The following NDRG4 variants were observed in gnomAD, a reference collection of about 807,000 sequenced individuals.
NDRG4 encodes NDRG family member 4.
Under a neutral mutation model 55.8 loss-of-function variants are expected in NDRG4, and 38 were observed. The observed-to-expected ratio is 0.68, with a 90% confidence interval of 0.53 to 0.89. The LOEUF (loss-of-function observed/expected upper bound fraction) is 0.89. Ranked by LOEUF, NDRG4 falls within the 40% of genes least tolerant of loss-of-function variation. The pLI, the probability that NDRG4 is intolerant of heterozygous loss-of-function variation, is 0.00. For missense variants in NDRG4, 455 were observed against 468.6 expected (o/e 0.97, Z 0.27); for synonymous variants, 190 against 182.7 (o/e 1.04, Z -0.32).
At chr16:58,508,849 C>T in intron 10 of NDRG4, 113 bp from the exon 11 acceptor site, 2 of 1,160,688 alleles carry the variant, frequency 1.7e-6, no homozygotes, top group East Asian at 2.5e-5. Context: ...GCTGGGCCTC[C>T]CTCTGCCTCC....
At chr16:58,505,146 A>C (rs28529020) in intron 5 of NDRG4, among the ~76,000 whole-genome samples, 7 of 152,174 alleles carry the variant, frequency 4.6e-5, no homozygotes, top group African/African-American at 1.2e-4. Context: ...TCAGGAGATC[A>C]AGACCATCCT....
Position 58,464,932 on chromosome 16 carries a change from G to C in NDRG4, c.-24+1135G>C. ...GAGGCGACGCCAAGTGGCCTGGGAAGTGGGAAGCCAGATTGGACCCTACTG... is the reference window on the plus strand; with the variant it reads ...GAGGCGACGCCAAGTGGCCTGGGAACTGGGAAGCCAGATTGGACCCTACTG... On this transcript the variant is annotated intron_variant, in intron 1 of 15. Coordinates refer to the NDRG4 transcript ENST00000258187. The surrounding 1 kb of genome is among the most constrained non-coding windows in gnomAD (Gnocchi z 4.8). The C allele has an allele frequency of 8.5e-7, 1 of 1,176,852 alleles. No homozygotes were observed. The highest frequency in any genetic ancestry group is 1.1e-6 in the Non-Finnish European group (1 of 935,720). The allele number at this position is 1,176,852 out of a possible 1,614,324, so 72.9% of individuals were successfully genotyped here.
chr16:58,464,719 G>A lies in NDRG4; in HGVS notation c.-24+922G>A, dbSNP rs1386412862. 2 of 1,259,972 alleles carry A rather than the reference G, an allele frequency of 1.6e-6. No homozygotes were observed. The highest frequency in any genetic ancestry group is 2.0e-6 in the Non-Finnish European group (2 of 998,518). The allele number at this position is 1,259,972 out of a possible 1,614,324, so 78.0% of individuals were successfully genotyped here. A position where few individuals can be genotyped will look rare whatever the true frequency, so the allele number is the denominator to read the frequency against. On this transcript the variant is annotated intron_variant, in intron 1 of 15. Coordinates refer to the NDRG4 transcript ENST00000258187. This position sits in a 1 kb window ranked among gnomAD's most constrained non-coding sequence, Gnocchi z 4.8. Reference sequence around the variant, plus strand: ...CAGGGGGTGGCCCCATGGGGTCTCTGACCAGCGGAGCTCGGATTAGGACCC... The same window carrying A: ...CAGGGGGTGGCCCCATGGGGTCTCTAACCAGCGGAGCTCGGATTAGGACCC...
rs148334554 is a variant in NDRG4 at position 58,489,156 on chromosome 16, C to T, written c.72+1306C>T. On this transcript the variant is annotated intron_variant, in intron 2 of 15. Coordinates refer to the NDRG4 transcript ENST00000258187. Reference sequence around the variant, plus strand: ...TCTACTAAAAATACAAAAATTAGCCCGGGCGTGGTAGTGGGCGCCTGTAAT... The same window carrying T: ...TCTACTAAAAATACAAAAATTAGCCTGGGCGTGGTAGTGGGCGCCTGTAAT... Among the ~76,000 whole-genome samples the T allele has an allele frequency of 6.2e-3, 944 of 152,084 alleles. 10 individuals are homozygous for T. The highest frequency in any genetic ancestry group is 0.022 in the African/African-American group (905 of 41,458).
chr16:58,480,013 G>A (rs1211783526), intron 1 of NDRG4, among the ~76,000 whole-genome samples: 2 of 152,168 alleles, frequency 1.3e-5, no homozygotes, highest in Middle Eastern at 3.2e-3. Context: ...GGCAAACCTG[G>A]TGGGGAGACT....
At chr16:58,498,171 G>A (rs2036618205), upstream of NDRG4, among the ~76,000 whole-genome samples, 2 of 152,232 alleles carry the variant, frequency 1.3e-5, no homozygotes, top group African/African-American at 2.4e-5. Flanking sequence ...GTGGGGCCTT[G>A]GGGGACATGG....
At chr16:58,466,525 A>G (rs1597018656) in intron 1 of NDRG4, among the ~76,000 whole-genome samples, 1 of 152,186 alleles carries the variant, frequency 6.6e-6, no homozygotes, top group East Asian at 1.9e-4. Flanking sequence ...CCCCCACCAG[A>G]TGGGGTCACC....
At chr16:58,478,630 A>G (rs1181896082) in intron 1 of NDRG4, among the ~76,000 whole-genome samples, 1 of 151,526 alleles carries the variant, frequency 6.6e-6, no homozygotes, top group Non-Finnish European at 1.5e-5. Context: ...GTAGCATGAT[A>G]ACATTGGGGG....
chr16:58,505,932 G>C, intron 5 of NDRG4: 2 of 276,846 alleles, frequency 7.2e-6, no homozygotes, highest in South Asian at 6.5e-5. Flanking sequence ...ATGTTGGCTA[G>C]GCTGGTCTCG....
chr16:58,509,247 A>C, intron 12 of NDRG4, 54 bp from the exon 13 acceptor site: 1 of 1,613,786 alleles, frequency 6.2e-7, no homozygotes, highest in South Asian at 1.1e-5. Flanking sequence ...CCTCTACCCT[A>C]CCTGCTAATC....
At position 58,506,627 on chromosome 16, in the gene NDRG4, A is replaced by AG. The variant is rs1162030480; in HGVS notation, c.516+13_516+14insG. 2 of 1,546,646 alleles carry AG rather than the reference A, an allele frequency of 1.3e-6. No homozygotes were observed. Among genetic ancestry groups the AG allele is most frequent in the Non-Finnish European group, 1.7e-6 (2 of 1,147,442 alleles). On this transcript the variant is annotated intron_variant, in intron 7 of 14. Transcript: ENST00000570248. ...CCTCTTCAGCCAGGTAAGGGGGGGA[A>AG]CTTCTGCAGATCTGGGGTGATCTGG...
chr16:58,489,822 C>A (rs1460028045), intron 2 of NDRG4, among the ~76,000 whole-genome samples: 2 of 151,978 alleles, frequency 1.3e-5, no homozygotes, highest in Non-Finnish European at 2.9e-5. Context: ...GTCTTTCTTT[C>A]TGTCTTTTCC....
chr16:58,481,358 GGGA>G (rs1287677859), intron 1 of NDRG4, among the ~76,000 whole-genome samples: 2 of 152,172 alleles, frequency 1.3e-5, no homozygotes, highest in African/African-American at 4.8e-5. Flanking sequence ...GCTTCCCATG[GGGA>G]GGATGCGCCT....
intron 2 of NDRG4, 124 bp downstream of exon 2, chr16:58,504,027 T>C: frequency 1.3e-6 from 2 of 1,561,150 alleles, no homozygotes; most frequent in Non-Finnish European, 8.7e-7. Context: ...GCCTTCGCCC[T>C]CCGGGCCTCC....
chr16:58,492,415 C>T (rs1427654284), intron 2 of NDRG4, among the ~76,000 whole-genome samples: 1 of 152,058 alleles, frequency 6.6e-6, no homozygotes, highest in African/African-American at 2.4e-5. Flanking sequence ...AGTCCTTCCC[C>T]TCCCACACCC....
intron 1 of NDRG4, chr16:58,465,033 A>C: frequency 8.0e-7 from 1 of 1,256,568 alleles, no homozygotes; most frequent in Non-Finnish European, 1.0e-6. Flanking sequence ...TCCAGGGGGC[A>C]GTGGCTGGAG....
At chr16:58,503,553 T>G (rs902674073) in intron 1 of NDRG4, among the ~76,000 whole-genome samples, 1 of 152,048 alleles carries the variant, frequency 6.6e-6, no homozygotes, top group African/African-American at 2.4e-5. Flanking sequence ...AGTGGCTGGT[T>G]TGCAGAGAGG....
At chr16:58,513,855 G>A (rs1275114977), downstream of NDRG4, among the ~76,000 whole-genome samples, 1 of 152,204 alleles carries the variant, frequency 6.6e-6, no homozygotes, top group Admixed American at 6.5e-5. Flanking sequence ...CTACTCGGGA[G>A]GCTGAGGCAG....
At chr16:58,515,369 G>A (rs2039077821), downstream of NDRG4, 4 of 690,004 alleles carry the variant, frequency 5.8e-6, no homozygotes, top group Admixed American at 3.4e-5. Context: ...TGGAGATCCT[G>A]GACTCAAGAT....
Sources: allele counts gnomAD v4.1 joint callset (sites outside exome capture counted in the v4.1 genomes callset), GRCh38; gene constraint gnomAD v4.1.1; non-coding constraint Gnocchi (gnomAD v3.1); transcripts MANE v1.5; gene names NCBI Gene and HGNC (gene_info 2026-07-23, HGNC 2026-07-21).